Variants in PSMB2 observed in about 807,000 individuals in gnomAD.
The protein encoded by PSMB2 is proteasome subunit beta type-2.
In PSMB2, 13 loss-of-function variants were observed where a neutral mutation model predicts 25.7. The ratio of observed to expected loss-of-function variants is 0.51; its 90% CI spans 0.33 to 0.80. The LOEUF (loss-of-function observed/expected upper bound fraction) is 0.80. PSMB2 is among the 30% of genes least tolerant of loss of function. PSMB2 has a pLI of 0.02. For synonymous variants in PSMB2, 87 were observed against 96.2 expected (o/e 0.90, Z 0.56); for missense variants, 202 against 259.0 (o/e 0.78, Z 1.51).
chr1:35,618,254 A>C (rs998628616), intron 3 of PSMB2, among the ~76,000 whole-genome samples: 2 of 151,848 alleles, frequency 1.3e-5, no homozygotes, highest in African/African-American at 2.4e-5. Context: ...AAGAGTGAGG[A>C]CTCTCAATAA....
chr1:35,628,639 T>A (rs1394404984), intron 3 of PSMB2, among the ~76,000 whole-genome samples: 4 of 75,068 alleles, frequency 5.3e-5, no homozygotes, highest in Non-Finnish European at 1.1e-4. Context: ...ATATTTTTTT[T>A]TTTTTTTTTA....
intron 3 of PSMB2, among the ~76,000 whole-genome samples, chr1:35,609,757 G>T (rs1650276487): frequency 6.6e-6 from 1 of 152,174 alleles, no homozygotes; most frequent in Non-Finnish European, 1.5e-5. Context: ...TAGCTTAACT[G>T]TATATTTTAA....
Position 35,604,619 on chromosome 1 carries a change from A to C in PSMB2, c.498+614T>G, listed in dbSNP as rs147987854. Among the ~76,000 whole-genome samples, 532 of 152,234 alleles carry C rather than the reference A, an allele frequency of 3.5e-3. 1 individual carries two copies. The highest frequency in any genetic ancestry group is 0.012 in the African/African-American group (500 of 41,522). ...ACATGGTGAAACCCTGTCTCTACTA[A>C]AAATACAAAAAACTAGCCGGGCATG... On this transcript the variant is annotated intron_variant, in intron 5 of 5. Transcript: ENST00000373237.
In PSMB2 at chr1:35,600,997, G is replaced by T. The variant is rs993823004; in HGVS notation, c.*2270C>A. 2.1e-5 allele frequency: 21 copies of T among 984,594 alleles called. No individual in the cohort carries two copies. Among genetic ancestry groups the T allele is most frequent in the Non-Finnish European group, 2.5e-5 (21 of 829,868 alleles). The allele number at this position is 984,594 out of a possible 1,614,324, so 61.0% of individuals were successfully genotyped here. Reference sequence around the variant, plus strand: ...TACAGATGGGAAAATCATGTAGCAGGATAGTCTGTGCTTTAGTAGCAGCAC... The same window carrying T: ...TACAGATGGGAAAATCATGTAGCAGTATAGTCTGTGCTTTAGTAGCAGCAC... On this transcript the variant is annotated 3_prime_UTR_variant, in exon 6 of 6. Coordinates refer to ENST00000373237, the MANE Select transcript of PSMB2 (RefSeq NM_002794.5).
chr1:35,627,641 C>A (rs1172282945), intron 3 of PSMB2, among the ~76,000 whole-genome samples: 5 of 151,862 alleles, frequency 3.3e-5, no homozygotes, highest in African/African-American at 1.2e-4. Context: ...AGAGTGAGAT[C>A]CTGTCTCAAA....
rs11550442 is a variant in PSMB2 at position 35,641,452 on chromosome 1, C to T, written c.-20G>A. On this transcript the variant is annotated 5_prime_UTR_variant, in exon 1 of 6. Coordinates refer to ENST00000373237, the MANE Select transcript of PSMB2 (RefSeq NM_002794.5). The stretch of plus-strand genomic sequence containing the variant: ...CTCCATGGTGGCGGAAGGCCAGGGG[C>T]TGCAGGTCCGACACAGCACGAGACT... The T allele has an allele frequency of 1.2e-6, 2 of 1,613,912 alleles. No individual in the cohort carries two copies. The highest frequency in any genetic ancestry group is 1.3e-5 in the African/African-American group (1 of 74,906).
Position 35,601,996 on chromosome 1 carries a change from C to T in PSMB2, c.*1271G>A. The T allele has an allele frequency of 2.4e-6, 2 of 843,328 alleles. No homozygotes were observed. The highest frequency in any genetic ancestry group is 1.1e-4 in the South Asian group (2 of 18,302). The allele number at this position is 843,328 out of a possible 1,614,324, so 52.2% of individuals were successfully genotyped here. On this transcript the variant is annotated 3_prime_UTR_variant, in exon 6 of 6. Coordinates refer to ENST00000373237, the MANE Select transcript of PSMB2 (RefSeq NM_002794.5). ...TCTATATGTATTGATATAAAACAAT[C>T]TCTAATATAGTGTTAAGTGAAATAA...
At chr1:35,635,825 T>C (rs1469858061) in intron 2 of PSMB2, among the ~76,000 whole-genome samples, 1 of 108,774 alleles carries the variant, frequency 9.2e-6, no homozygotes, top group Non-Finnish European at 1.7e-5. Context: ...CGAGACTCCG[T>C]CTCAAAAAAA....
chr1:35,627,080 T>C (rs1487038994), intron 3 of PSMB2, among the ~76,000 whole-genome samples: 1 of 71,952 alleles, frequency 1.4e-5, no homozygotes, highest in African/African-American at 5.6e-5. Context: ...TAGCACATAA[T>C]ATATGTTCAA....
intron 4 of PSMB2, among the ~76,000 whole-genome samples, chr1:35,607,955 C>T (rs1331388547): frequency 6.6e-6 from 1 of 152,198 alleles, no homozygotes; most frequent in Non-Finnish European, 1.5e-5. Flanking sequence ...TAAAACACTG[C>T]ACGTTCTCAC....
intron 1 of PSMB2, among the ~76,000 whole-genome samples, chr1:35,637,822 T>C (rs891951743): frequency 1.3e-5 from 2 of 152,222 alleles, no homozygotes; most frequent in African/African-American, 4.8e-5. Flanking sequence ...TTAAAGATTG[T>C]TAGTTTGCAA....
intron 3 of PSMB2, among the ~76,000 whole-genome samples, chr1:35,620,744 C>A (rs1032708712): frequency 4.0e-5 from 6 of 151,412 alleles, no homozygotes; most frequent in African/African-American, 7.2e-5. Flanking sequence ...AACAAAAAAA[C>A]CCCTCTGCCT....
chr1:35,619,408 G>T (rs986253566), intron 3 of PSMB2, among the ~76,000 whole-genome samples: 1 of 152,184 alleles, frequency 6.6e-6, no homozygotes, highest in Non-Finnish European at 1.5e-5. Context: ...ATCGAATGTG[G>T]CTTTATCACC....
Position 35,609,423 on chromosome 1 carries a change from T to C in PSMB2, c.286-15A>G. ...TGATATGGGGTCTGCAAAGAAAAGA[T>C]ATGGCAAAGTGATAACTAAAGCAGA... On this transcript the variant is annotated splice_polypyrimidine_tract_variant and intron_variant, in intron 3 of 5. Transcript: ENST00000373237. The C allele has an allele frequency of 6.7e-7, 1 of 1,487,072 alleles. No homozygotes were observed. The highest frequency in any genetic ancestry group is 9.0e-7 in the Non-Finnish European group (1 of 1,109,140). The allele number at this position is 1,487,072 out of a possible 1,614,324, so 92.1% of individuals were successfully genotyped here.
Position 35,609,403 on chromosome 1 carries a change from T to C in PSMB2, c.291A>G (p.Pro97=). 7.1e-6 allele frequency: 11 copies of C among 1,540,570 alleles called. No homozygotes were observed. Among genetic ancestry groups the C allele is most frequent in the Non-Finnish European group, 9.7e-6 (11 of 1,138,784 alleles). ...CAGCCAGGAGGAGGTTCACATGATA[T>C]GGGGTCTGCAAAGAAAAGATATGGC... The part of the protein sequence containing the change: ...NLADCLRSRT[P]YHVNLLLAGY... The change falls in exon 4 of 6, where the codon CCA becomes CCG. Residue 97 remains proline, a synonymous_variant. Transcript: ENST00000373237.
At chr1:35,616,902 T>G (rs1008388117) in intron 3 of PSMB2, among the ~76,000 whole-genome samples, 7 of 152,194 alleles carry the variant, frequency 4.6e-5, no homozygotes, top group African/African-American at 1.7e-4. Context: ...TGAATTGGAA[T>G]CCACTATTTC....
At chr1:35,639,484 C>A (rs1362944472) in intron 1 of PSMB2, among the ~76,000 whole-genome samples, 2 of 152,130 alleles carry the variant, frequency 1.3e-5, no homozygotes, top group African/African-American at 4.8e-5. Context: ...AAAAACCAAC[C>A]TACTACTAAC....
At chr1:35,621,638 T>A (rs995139711) in intron 3 of PSMB2, among the ~76,000 whole-genome samples, 1 of 152,026 alleles carries the variant, frequency 6.6e-6, no homozygotes, top group Non-Finnish European at 1.5e-5. Flanking sequence ...GGTTAAAAAG[T>A]AATATGTTTT....
Position 35,603,027 on chromosome 1 carries a change from C to A in PSMB2, c.*240G>T. 3 of 1,268,744 alleles carry A rather than the reference C, an allele frequency of 2.4e-6. No homozygotes were observed. The highest frequency in any genetic ancestry group is 3.0e-6 in the Non-Finnish European group (3 of 1,002,690). 78.6% of individuals were successfully genotyped at this position (1,268,744 alleles called of 1,614,324 possible). A position where few individuals can be genotyped will look rare whatever the true frequency, so the allele number is the denominator to read the frequency against. On this transcript the variant is annotated 3_prime_UTR_variant, in exon 6 of 6. Coordinates refer to ENST00000373237, the MANE Select transcript of PSMB2 (RefSeq NM_002794.5). ...CCGTCAGCTGCTAAAGGGTACTGAG[C>A]GTTAATGGAGGGCGGAGCAGGAAGA...
Sources: allele counts gnomAD v4.1 joint callset (sites outside exome capture counted in the v4.1 genomes callset), GRCh38; gene constraint gnomAD v4.1.1; transcripts MANE v1.5; gene names NCBI Gene and HGNC (gene_info 2026-07-23, HGNC 2026-07-21).